GDPD4: variants seen among roughly 807,000 people sequenced by gnomAD.
The protein encoded by GDPD4 is glycerophosphodiester phosphodiesterase domain containing 4.
GDPD4 carries 60 observed loss-of-function variants against 67.8 expected under a neutral mutation model. The observed-to-expected ratio is 0.88, with a 90% CI of 0.72 to 1.10. The LOEUF is 1.10. Among genes scored for constraint, GDPD4 ranks in the 50% least tolerant of loss-of-function variants. The pLI is 0.00. For synonymous variants in GDPD4, 212 were observed against 210.9 expected (o/e 1.00, Z -0.04); for missense variants, 623 against 613.9 (o/e 1.01, Z -0.16).
At chr11:77,242,957 G>C (rs1438310944) in intron 13 of GDPD4, among the ~76,000 whole-genome samples, 1 of 151,590 alleles carries the variant, frequency 6.6e-6, no homozygotes, top group Non-Finnish European at 1.5e-5. Flanking sequence ...GTAGATAATA[G>C]ATATCTATAT....
intron 5 of GDPD4, among the ~76,000 whole-genome samples, chr11:77,272,251 A>C (rs768697457): frequency 1.3e-5 from 2 of 152,262 alleles, no homozygotes; most frequent in Non-Finnish European, 2.9e-5. Context: ...ACTTTATAAC[A>C]TCTTAAGAGT....
At chr11:77,220,793 T>A (rs11237124) in intron 16 of GDPD4, among the ~76,000 whole-genome samples, 38,178 of 152,202 alleles carry the variant, frequency 0.25, 5,898 homozygotes, top group South Asian at 0.43. Flanking sequence ...CCAGCTCCTC[T>A]TTGTATCTCT....
intron 11 of GDPD4, among the ~76,000 whole-genome samples, chr11:77,245,781 A>G (rs11237147): frequency 0.27 from 41,425 of 152,098 alleles, 6,690 homozygotes; most frequent in South Asian, 0.45. Flanking sequence ...CTTCTCTCCC[A>G]TAAGTCAAGA....
chr11:77,236,878 G>A (rs1025333903), intron 13 of GDPD4, among the ~76,000 whole-genome samples: 4 of 152,120 alleles, frequency 2.6e-5, no homozygotes, highest in South Asian at 2.1e-4. Context: ...AAGAAAGAAG[G>A]AATAAGTCTT....
intron 11 of GDPD4, among the ~76,000 whole-genome samples, chr11:77,253,378 T>C (rs1958943338): frequency 6.6e-6 from 1 of 152,144 alleles, no homozygotes; most frequent in African/African-American, 2.4e-5. Context: ...TCTCAGACTC[T>C]GTGAGGCCAA....
intron 11 of GDPD4, among the ~76,000 whole-genome samples, chr11:77,255,497 G>A (rs1365579394): frequency 4.6e-5 from 7 of 152,188 alleles, no homozygotes; most frequent in African/African-American, 1.7e-4. Flanking sequence ...TCAGGAGGCG[G>A]AGGCTTCAGT....
chr11:77,264,159 ATCT>A (rs1308104354), intron 10 of GDPD4, among the ~76,000 whole-genome samples: 4 of 152,190 alleles, frequency 2.6e-5, no homozygotes, highest in Non-Finnish European at 4.4e-5. Flanking sequence ...TTTTGCGTAG[ATCT>A]TCTCAGAATC....
intron 1 of GDPD4, among the ~76,000 whole-genome samples, chr11:77,294,898 T>C (rs1405565276): frequency 6.6e-6 from 1 of 152,010 alleles, no homozygotes; most frequent in East Asian, 1.9e-4. Context: ...GACAGGTTTT[T>C]TGACAAATGG....
chr11:77,242,122 C>A (rs1314980054), intron 13 of GDPD4, among the ~76,000 whole-genome samples: 1 of 151,862 alleles, frequency 6.6e-6, no homozygotes, highest in African/African-American at 2.4e-5. Context: ...TATTGCACAG[C>A]AGGGTAACTA....
chr11:77,257,467 C>A (rs1381035440), intron 11 of GDPD4, among the ~76,000 whole-genome samples: 2 of 151,480 alleles, frequency 1.3e-5, no homozygotes, highest in Non-Finnish European at 2.9e-5. Flanking sequence ...ACATGTTTTC[C>A]AGATTATTCT....
chr11:77,298,854 T>C (rs1456704937), intron 1 of GDPD4, among the ~76,000 whole-genome samples: 2 of 152,102 alleles, frequency 1.3e-5, no homozygotes, highest in African/African-American at 4.8e-5. Context: ...TTGACTTATA[T>C]TGTTATGCCA....
chr11:77,270,051 A>G (rs866083039), intron 7 of GDPD4, 91 bp from the exon 8 acceptor site: 1 of 644,476 alleles, frequency 1.6e-6, no homozygotes, highest in Non-Finnish European at 2.7e-6. Context: ...TACCCTCCAC[A>G]CACAAGCATA....
At chr11:77,239,475 T>C (rs1958623513) in intron 13 of GDPD4, among the ~76,000 whole-genome samples, 1 of 152,228 alleles carries the variant, frequency 6.6e-6, no homozygotes, top group Non-Finnish European at 1.5e-5. Context: ...ACATTCAGTT[T>C]ATCGGTTGCA....
intron 13 of GDPD4, 42 bp downstream of exon 13, chr11:77,243,652 G>A (rs756576336): frequency 2.4e-5 from 37 of 1,540,068 alleles, no homozygotes; most frequent in Non-Finnish European, 3.0e-5. Context: ...TTTTGTGTAA[G>A]TAAGGCAATA....
rs188482629 is a variant in GDPD4, at chr11:77,234,927, C to G, written c.1242-1755G>C. Among the ~76,000 whole-genome samples, 499 of 150,038 alleles carry G rather than the reference C, an allele frequency of 3.3e-3. 2 individuals are homozygous for G. Among genetic ancestry groups the G allele is most frequent in the Middle Eastern group, 0.021 (6 of 288 alleles). On this transcript the variant is annotated intron_variant, in intron 13 of 16. Transcript: ENST00000315938. ...AGTTCTTTGAGAAATCTCTAAACTG[C>G]TTTCCCCAGGGGCTGAACTAATTTA...
At position 77,236,733 on chromosome 11, in the gene GDPD4, C is replaced by A. The variant is rs539216696; in HGVS notation, c.1242-3561G>T. ...AGTTTCAAAATACAAGAAGGAAACA[C>A]ACACACACACACACACACAAATCAA... On this transcript the variant is annotated intron_variant, in intron 13 of 16. Transcript: ENST00000315938. Among the ~76,000 whole-genome samples, 6 of 151,190 alleles carry A rather than the reference C, an allele frequency of 4.0e-5. No individual in the cohort carries two copies. The East Asian group carries it at 5.9e-4, about 15-fold the overall frequency.
intron 1 of GDPD4, among the ~76,000 whole-genome samples, chr11:77,289,823 AG>A (rs1565546142): frequency 1.9e-5 from 1 of 51,962 alleles, no homozygotes; most frequent in Non-Finnish European, 3.5e-5. Flanking sequence ...GAAGGAAGGG[AG>A]GGAGGGAGGG....
chr11:77,248,770 G>A (rs1043382247), intron 11 of GDPD4, among the ~76,000 whole-genome samples: 5 of 150,698 alleles, frequency 3.3e-5, no homozygotes, highest in Non-Finnish European at 7.4e-5. Flanking sequence ...TGCCCAGGCT[G>A]GAGTACAATG....
intron 11 of GDPD4, 33 bp downstream of exon 11, chr11:77,258,353 T>C (rs200911219): frequency 1.2e-5 from 19 of 1,606,714 alleles, no homozygotes; most frequent in Non-Finnish European, 1.5e-5. Flanking sequence ...AAAAATTCAA[T>C]GCAGGTTTGT....
Sources: gnomAD v4.1 joint callset for allele counts (sites outside exome capture counted in the v4.1 genomes callset) on GRCh38, gnomAD v4.1.1 for gene constraint, MANE v1.5 for transcripts, NCBI Gene and HGNC (gene_info 2026-07-23, HGNC 2026-07-21) for gene names.